The following MYO3B variants were observed in gnomAD, a reference collection of about 807,000 sequenced individuals.
The protein encoded by MYO3B is myosin-IIIb.
A neutral mutation model predicts 174.6 loss-of-function variants in MYO3B; 156 were observed. That is an observed-to-expected ratio of 0.89 (90% CI 0.78 to 1.02). MYO3B has a LOEUF of 1.02. Among genes scored for constraint, MYO3B ranks in the 50% least tolerant of loss-of-function variants. MYO3B has a pLI of 0.00. For synonymous variants in MYO3B, 563 were observed against 569.1 expected (o/e 0.99, Z 0.15); for missense variants, 1,632 against 1,639.4 (o/e 1.00, Z 0.08).
chr2:170,283,537 T>C (rs2093530123), intron 7 of MYO3B, among the ~76,000 whole-genome samples: 1 of 152,228 alleles, frequency 6.6e-6, no homozygotes, highest in South Asian at 2.1e-4. Flanking sequence ...TGCTCTTTCC[T>C]GTTAGAATAT....
At chr2:170,508,889 G>A (rs918563700) in intron 28 of MYO3B, among the ~76,000 whole-genome samples, 14 of 152,286 alleles carry the variant, frequency 9.2e-5, no homozygotes, top group Admixed American at 6.5e-4. Flanking sequence ...CCTCAGGACT[G>A]CTATGAAAAT....
intron 32 of MYO3B, among the ~76,000 whole-genome samples, chr2:170,647,247 C>T (rs1394721780): frequency 6.6e-6 from 1 of 152,146 alleles, no homozygotes. Flanking sequence ...GCTTAAACGG[C>T]TTTAAAGAAG....
intron 32 of MYO3B, among the ~76,000 whole-genome samples, chr2:170,589,220 G>A (rs568532020): frequency 6.6e-6 from 1 of 152,158 alleles, no homozygotes; most frequent in East Asian, 1.9e-4. Context: ...ACACTGAAAG[G>A]TTTTCGATAA....
chr2:170,407,847 A>G lies in MYO3B; in HGVS notation c.2650+3A>G, dbSNP rs1246284111. On this transcript the variant is annotated splice_donor_region_variant and intron_variant, in intron 22 of 34. Transcript: ENST00000408978. ...CTCAATCCCTCTGACCAAAACAGGTACTTGGGAACCCTCTGATAGCCCTGC... is the reference window on the plus strand; with the variant it reads ...CTCAATCCCTCTGACCAAAACAGGTGCTTGGGAACCCTCTGATAGCCCTGC... 1.2e-6 allele frequency: 2 copies of G among 1,613,928 alleles called. No individual in the cohort carries two copies. Among genetic ancestry groups the G allele is most frequent in the Non-Finnish European group, 1.7e-6 (2 of 1,179,828 alleles).
rs115310560 is a variant in MYO3B, at chr2:170,476,928, A to G, written c.3014+10217A>G. On this transcript the variant is annotated intron_variant, in intron 25 of 34. Transcript: ENST00000408978. ...GGATCCTCCATCTTGTCCCACTGCC[A>G]TCCTAGACACAGACATGGCTTTTGT... Among the ~76,000 whole-genome samples the G allele has an allele frequency of 8.8e-3, 1,342 of 152,204 alleles. 17 individuals carry two copies. The highest frequency in any genetic ancestry group is 0.031 in the African/African-American group (1,279 of 41,532).
At chr2:170,222,691 G>A (rs565391062) in intron 6 of MYO3B, among the ~76,000 whole-genome samples, 1 of 152,274 alleles carries the variant, frequency 6.6e-6, no homozygotes, top group African/African-American at 2.4e-5. Context: ...TCAACTAATT[G>A]TATATACAGT....
chr2:170,602,589 T>C (rs773494587), intron 32 of MYO3B, among the ~76,000 whole-genome samples: 1 of 152,240 alleles, frequency 6.6e-6, no homozygotes. Context: ...TTGCTTCTGC[T>C]GTTCCCATTC....
At chr2:170,326,314 A>G (rs945198192) in intron 7 of MYO3B, among the ~76,000 whole-genome samples, 1 of 152,178 alleles carries the variant, frequency 6.6e-6, no homozygotes, top group African/African-American at 2.4e-5. Context: ...ACATCTCTTT[A>G]AAATAATAAT....
At chr2:170,439,868 G>A (rs1241741419) in intron 22 of MYO3B, among the ~76,000 whole-genome samples, 1 of 152,086 alleles carries the variant, frequency 6.6e-6, no homozygotes, top group African/African-American at 2.4e-5. Context: ...TTTTAGTAGA[G>A]ATGGGGTTTC....
intron 7 of MYO3B, 90 bp downstream of exon 7, chr2:170,236,226 T>A: frequency 6.7e-7 from 1 of 1,497,238 alleles, no homozygotes. Context: ...GCAATTTCTC[T>A]CCAAACCTGA....
At chr2:170,621,447 A>G (rs536139217) in intron 32 of MYO3B, among the ~76,000 whole-genome samples, 16 of 152,168 alleles carry the variant, frequency 1.1e-4, no homozygotes, top group Non-Finnish European at 2.1e-4. Flanking sequence ...TTTAAGCTCC[A>G]TATTAAATAC....
intron 6 of MYO3B, among the ~76,000 whole-genome samples, chr2:170,227,198 T>C (rs2092960748): frequency 6.6e-6 from 1 of 152,176 alleles, no homozygotes; most frequent in Non-Finnish European, 1.5e-5. Flanking sequence ...AGAGGAGCCT[T>C]GAGTAGGATG....
intron 7 of MYO3B, among the ~76,000 whole-genome samples, chr2:170,300,727 T>C (rs1256208619): frequency 6.6e-6 from 1 of 152,258 alleles, no homozygotes; most frequent in Non-Finnish European, 1.5e-5. Context: ...ACATCCAGTC[T>C]GCAACCAGCT....
At chr2:170,202,287 G>T (rs1251643905) in intron 3 of MYO3B, among the ~76,000 whole-genome samples, 3 of 152,202 alleles carry the variant, frequency 2.0e-5, no homozygotes, top group Non-Finnish European at 4.4e-5. Context: ...TGTCATTTAT[G>T]ACTTTTGCTG....
In MYO3B at chr2:170,206,526, A is replaced by T. The variant is rs2092714787; in HGVS notation, c.321+6242A>T. 6.6e-6 allele frequency among the ~76,000 whole-genome samples: 1 copy of T among 152,190 alleles called. No homozygotes were observed. Among genetic ancestry groups the T allele is most frequent in the African/African-American group, 2.4e-5 (1 of 41,450 alleles). The stretch of plus-strand genomic sequence containing the variant: ...AGGTGCCTTTCTTCTCAATAACTGA[A>T]CTAAACTGGGTTCTTGAGCCCCCAG... On this transcript the variant is annotated intron_variant, in intron 3 of 34. Coordinates refer to ENST00000408978, the MANE Select transcript of MYO3B (RefSeq NM_138995.5). This position sits in a 1 kb window ranked among gnomAD's most constrained non-coding sequence, Gnocchi z 4.3.
chr2:170,492,856 G>A (rs1686579428), intron 25 of MYO3B, among the ~76,000 whole-genome samples: 1 of 152,190 alleles, frequency 6.6e-6, no homozygotes, highest in Non-Finnish European at 1.5e-5. Flanking sequence ...TAGAACCAGA[G>A]CAAAGACCAC....
At chr2:170,621,669 C>A (rs1274407944) in intron 32 of MYO3B, among the ~76,000 whole-genome samples, 1 of 151,756 alleles carries the variant, frequency 6.6e-6, no homozygotes, top group African/African-American at 2.4e-5. Flanking sequence ...ACCACCAGGC[C>A]CAGCTAATTT....
In MYO3B at chr2:170,469,659, C is replaced by T. The variant is rs577588969; in HGVS notation, c.3014+2948C>T. Among the ~76,000 whole-genome samples the T allele has an allele frequency of 1.1e-4, 16 of 152,292 alleles. No homozygotes were observed. The South Asian group carries it at 2.3e-3, about 22-fold the overall frequency. ...TCACTTCCTTTAAATAATCCATCAC[C>T]AGGTCCAGCTCACTACCTGCTAAAG... On this transcript the variant is annotated intron_variant, in intron 25 of 34. Transcript: ENST00000408978.
At chr2:170,387,521 G>T (rs1460732076) in intron 14 of MYO3B, among the ~76,000 whole-genome samples, 1 of 152,144 alleles carries the variant, frequency 6.6e-6, no homozygotes, top group Non-Finnish European at 1.5e-5. Context: ...GTGCTTTAGG[G>T]ATGGGTATGC....
Sources: gnomAD v4.1 joint callset for allele counts (sites outside exome capture counted in the v4.1 genomes callset) on GRCh38, gnomAD v4.1.1 for gene constraint, Gnocchi (gnomAD v3.1) non-coding constraint, MANE v1.5 for transcripts, NCBI Gene and HGNC (gene_info 2026-07-23, HGNC 2026-07-21) for gene names.